The following PIK3C2G variants were observed in gnomAD, a reference collection of about 807,000 sequenced individuals.
PIK3C2G encodes phosphatidylinositol-4-phosphate 3-kinase catalytic subunit type 2 gamma.
Under a neutral mutation model 181.1 loss-of-function variants are expected in PIK3C2G, and 168 were observed. The ratio of observed to expected loss-of-function variants is 0.93; its 90% CI spans 0.82 to 1.05. The LOEUF (loss-of-function observed/expected upper bound fraction) is 1.05. Ranked by LOEUF, PIK3C2G falls within the 50% of genes least tolerant of loss-of-function variation. The pLI, the probability that PIK3C2G is intolerant of heterozygous loss-of-function variation, is 0.00. For synonymous variants in PIK3C2G, 573 were observed against 592.2 expected, an observed-to-expected ratio of 0.97 and a Z score of 0.47; for missense variants, 1,869 against 1,732.8, an observed-to-expected ratio of 1.08 and a Z score of -1.40.
intron 18 of PIK3C2G, among the ~76,000 whole-genome samples, chr12:18,426,781 G>C (rs1345120660): frequency 6.6e-6 from 1 of 152,168 alleles, no homozygotes; most frequent in Non-Finnish European, 1.5e-5. Context: ...ATGTAGCAAA[G>C]AAGATACACA....
At chr12:18,656,262 A>G in the PIK3C2G span, among the ~76,000 whole-genome samples, 4 of 152,038 alleles carry the variant, frequency 2.6e-5, no homozygotes, top group Non-Finnish European at 5.9e-5. Flanking sequence ...GACCCTGTCT[A>G]TACCAAAAAA....
At chr12:18,330,234 T>C (rs1565604896) in intron 8 of PIK3C2G, among the ~76,000 whole-genome samples, 1 of 152,138 alleles carries the variant, frequency 6.6e-6, no homozygotes, top group Admixed American at 6.6e-5. Context: ...TCAAAATGTA[T>C]ATAATTAGGT....
chr12:18,519,961 T>A (rs1003142237), intron 24 of PIK3C2G, among the ~76,000 whole-genome samples: 2 of 117,064 alleles, frequency 1.7e-5, no homozygotes, highest in African/African-American at 6.9e-5. Flanking sequence ...CCCTGCCACA[T>A]CCCCCTCTCC....
chr12:18,440,441 G>A (rs984489528), intron 18 of PIK3C2G, among the ~76,000 whole-genome samples: 3 of 151,972 alleles, frequency 2.0e-5, no homozygotes, highest in Non-Finnish European at 4.4e-5. Context: ...AAAACAAGTA[G>A]GAAACATAAA....
intron 18 of PIK3C2G, among the ~76,000 whole-genome samples, chr12:18,473,190 T>C (rs1938616621): frequency 6.6e-6 from 1 of 152,080 alleles, no homozygotes; most frequent in Admixed American, 6.6e-5. Context: ...GATTTTGCTT[T>C]TACAATGTTT....
intron 29 of PIK3C2G, among the ~76,000 whole-genome samples, chr12:18,573,581 A>T (rs548142700): frequency 3.9e-5 from 6 of 152,260 alleles, no homozygotes; most frequent in African/African-American, 1.4e-4. Flanking sequence ...GTAATTTTTC[A>T]TTATCTTGTT....
the PIK3C2G span, among the ~76,000 whole-genome samples, chr12:18,660,602 A>T: frequency 1.3e-5 from 2 of 152,332 alleles, no homozygotes; most frequent in East Asian, 3.9e-4. Context: ...AATGACCAGA[A>T]AAGACCTTAG....
At chr12:18,255,252 T>TAAAC (rs764503759) in intron 1 of PIK3C2G, among the ~76,000 whole-genome samples, 3,576 of 143,564 alleles carry the variant, frequency 0.025, 64 homozygotes, top group South Asian at 0.055. Context: ...AATAAATAAA[T>TAAAC]AAACAAACAA....
chr12:18,514,096 G>A lies in PIK3C2G; in HGVS notation c.3323+8635G>A, dbSNP rs558210188. The stretch of plus-strand genomic sequence containing the variant: ...TTTTTATATTTTCTGTGACCCATTG[G>A]TTGTTTATGAGCATGTTGTTTAATT... On this transcript the variant is annotated intron_variant, in intron 24 of 32. Transcript: ENST00000538779. 2.0e-5 allele frequency among the ~76,000 whole-genome samples: 3 copies of A among 151,776 alleles called. 1 individual carries two copies. Among genetic ancestry groups the A allele is most frequent in the African/African-American group, 7.2e-5 (3 of 41,494 alleles).
intron 18 of PIK3C2G, among the ~76,000 whole-genome samples, chr12:18,431,106 T>G (rs1946132158): frequency 6.6e-6 from 1 of 152,160 alleles, no homozygotes. Context: ...CCACAATACG[T>G]ATCCCCTAAT....
intron 26 of PIK3C2G, among the ~76,000 whole-genome samples, chr12:18,554,973 T>A (rs1165415307): frequency 6.6e-6 from 1 of 152,138 alleles, no homozygotes; most frequent in Non-Finnish European, 1.5e-5. Flanking sequence ...GAGATTTAGA[T>A]GAAGAAATTT....
At chr12:18,305,451 A>G (rs575900940) in intron 5 of PIK3C2G, among the ~76,000 whole-genome samples, 1 of 152,298 alleles carries the variant, frequency 6.6e-6, no homozygotes, top group African/African-American at 2.4e-5. Context: ...ATGTGAAAGT[A>G]GGTACATAAT....
intron 16 of PIK3C2G, among the ~76,000 whole-genome samples, chr12:18,406,074 T>A (rs1032847638): frequency 1.4e-4 from 22 of 152,120 alleles, no homozygotes; most frequent in African/African-American, 5.3e-4. Context: ...ACCTTTCCAT[T>A]CCGTTTTTAT....
chr12:18,492,560 T>C (rs1174865615), intron 20 of PIK3C2G, among the ~76,000 whole-genome samples: 1 of 152,190 alleles, frequency 6.6e-6, no homozygotes, highest in Non-Finnish European at 1.5e-5. Flanking sequence ...TTTCAAAAAA[T>C]TGCCCAACTT....
intron 18 of PIK3C2G, among the ~76,000 whole-genome samples, chr12:18,428,070 TA>T (rs1309963401): frequency 6.6e-6 from 1 of 152,066 alleles, no homozygotes; most frequent in Non-Finnish European, 1.5e-5. Flanking sequence ...CCTGATCCTC[TA>T]AGGGGGGAGA....
At chr12:18,625,891 T>G (rs2136692763) in intron 31 of PIK3C2G, among the ~76,000 whole-genome samples, 1 of 152,044 alleles carries the variant, frequency 6.6e-6, no homozygotes, top group East Asian at 1.9e-4. Flanking sequence ...ATCCCCTCAC[T>G]TTTAGTCTGT....
intron 11 of PIK3C2G, among the ~76,000 whole-genome samples, chr12:18,352,908 C>T (rs1940357200): frequency 1.3e-5 from 2 of 152,132 alleles, no homozygotes; most frequent in African/African-American, 4.8e-5. Flanking sequence ...GCCAGTCTGC[C>T]ACTCCACCAC....
At chr12:18,350,374 GC>G (rs1940109072) in intron 11 of PIK3C2G, among the ~76,000 whole-genome samples, 1 of 151,968 alleles carries the variant, frequency 6.6e-6, no homozygotes, top group African/African-American at 2.4e-5. Context: ...AAATAATTAT[GC>G]AAAAATGCAT....
At chr12:18,525,532 C>T (rs187377141) in intron 24 of PIK3C2G, among the ~76,000 whole-genome samples, 1 of 152,242 alleles carries the variant, frequency 6.6e-6, no homozygotes, top group Non-Finnish European at 1.5e-5. Context: ...ATCAAGTCAT[C>T]CCTAACTTCT....
Sources: gnomAD v4.1 joint callset for allele counts (sites outside exome capture counted in the v4.1 genomes callset) on GRCh38, gnomAD v4.1.1 for gene constraint, MANE v1.5 for transcripts, NCBI Gene and HGNC (gene_info 2026-07-23, HGNC 2026-07-21) for gene names.